The following SGCD variants were observed in gnomAD, a reference collection of about 807,000 sequenced individuals.
SGCD encodes delta-sarcoglycan.
Under a neutral mutation model 36.6 loss-of-function variants are expected in SGCD, and 18 were observed. The observed-to-expected ratio is 0.49, with a 90% CI of 0.34 to 0.73. SGCD has a LOEUF of 0.73. Among genes scored for constraint, SGCD ranks in the 30% least tolerant of loss-of-function variants. SGCD has a pLI of 0.01. For synonymous variants in SGCD, 133 were observed against 130.6 expected (o/e 1.02, Z -0.12); for missense variants, 387 against 346.7 (o/e 1.12, Z -0.92).
chr5:155,763,553 A>C, the SGCD span, among the ~76,000 whole-genome samples: 1 of 152,154 alleles, frequency 6.6e-6, no homozygotes, highest in East Asian at 1.9e-4. Context: ...CACGTTCAAG[A>C]GAAAAATATA....
At chr5:156,653,146 T>C (rs1561839378) in intron 7 of SGCD, among the ~76,000 whole-genome samples, 1 of 152,132 alleles carries the variant, frequency 6.6e-6, no homozygotes. Flanking sequence ...CCTCGGTTTT[T>C]TGGAATAATT....
the SGCD span, among the ~76,000 whole-genome samples, chr5:155,757,098 C>T: frequency 1.3e-5 from 2 of 152,176 alleles, no homozygotes; most frequent in Non-Finnish European, 2.9e-5. Context: ...GGGCTTCTGC[C>T]TTGGCATTGC....
intron 3 of SGCD, among the ~76,000 whole-genome samples, chr5:156,173,958 C>G (rs1437467730): frequency 2.0e-5 from 3 of 152,130 alleles, no homozygotes; most frequent in Non-Finnish European, 4.4e-5. Context: ...TCCCAGTTTT[C>G]ATACACATAC....
chr5:156,425,186 T>C (rs1773620795), intron 3 of SGCD, among the ~76,000 whole-genome samples: 1 of 152,070 alleles, frequency 6.6e-6, no homozygotes, highest in South Asian at 2.1e-4. Flanking sequence ...TCATTATCTG[T>C]CAGTGCACTG....
At chr5:155,796,806 C>CAAAAAAAAAAAAAAAAAAAAA in the SGCD span, among the ~76,000 whole-genome samples, 31 of 51,318 alleles carry the variant, frequency 6.0e-4, no homozygotes, top group Non-Finnish European at 7.7e-4. Flanking sequence ...AACTCCATCT[C>CAAAAAAAAAAAAAAAAAAAAA]AAAAAAAAAA....
At chr5:155,783,760 G>A in the SGCD span, among the ~76,000 whole-genome samples, 1 of 152,136 alleles carries the variant, frequency 6.6e-6, no homozygotes, top group Non-Finnish European at 1.5e-5. Flanking sequence ...CCAATTCCAG[G>A]AAAGTGGAAG....
chr5:156,201,446 G>A (rs932525419), intron 3 of SGCD, among the ~76,000 whole-genome samples: 2 of 152,136 alleles, frequency 1.3e-5, no homozygotes, highest in Non-Finnish European at 2.9e-5. Flanking sequence ...GTAGCAATGA[G>A]CAAAGCTGCC....
chr5:156,444,052 CTCTT>C (rs1753621295), intron 3 of SGCD, among the ~76,000 whole-genome samples: 1 of 146,306 alleles, frequency 6.8e-6, no homozygotes, highest in Non-Finnish European at 1.5e-5. Flanking sequence ...GCTTTGGAGA[CTCTT>C]TCTCTCCTTC....
chr5:156,106,673 C>T (rs1761656472), intron 1 of SGCD, among the ~76,000 whole-genome samples: 1 of 152,288 alleles, frequency 6.6e-6, no homozygotes, highest in Non-Finnish European at 1.5e-5. Context: ...TTGAGGCACA[C>T]TAATAAAAGT....
At chr5:156,742,342 A>G (rs1756724175) in intron 7 of SGCD, among the ~76,000 whole-genome samples, 1 of 152,056 alleles carries the variant, frequency 6.6e-6, no homozygotes, top group Admixed American at 6.5e-5. Context: ...ACATATTTCA[A>G]ACAAACTCAT....
At chr5:155,872,434 C>T (rs1046985730) in intron 1 of SGCD, among the ~76,000 whole-genome samples, 8 of 151,884 alleles carry the variant, frequency 5.3e-5, no homozygotes, top group South Asian at 2.1e-4. Context: ...AATCGTGCCC[C>T]GACATTAAAT....
At chr5:156,207,976 C>G (rs1281018357) in intron 3 of SGCD, among the ~76,000 whole-genome samples, 1 of 151,994 alleles carries the variant, frequency 6.6e-6, no homozygotes, top group Non-Finnish European at 1.5e-5. Flanking sequence ...TATGTAAAAC[C>G]ATGTCTTTAG....
chr5:156,329,606 G>T (rs1380246560), intron 2 of SGCD, 27 bp downstream of exon 2: 1 of 1,608,812 alleles, frequency 6.2e-7, no homozygotes, highest in Non-Finnish European at 8.5e-7. Flanking sequence ...AGCGAAGCTT[G>T]TTCAAGGCCC....
chr5:156,264,388 G>A (rs1765950520), intron 3 of SGCD, among the ~76,000 whole-genome samples: 1 of 152,090 alleles, frequency 6.6e-6, no homozygotes, highest in Admixed American at 6.6e-5. Flanking sequence ...GTTAGCATCA[G>A]CAGTTTTTCT....
intron 3 of SGCD, among the ~76,000 whole-genome samples, chr5:156,302,917 C>T (rs977296736): frequency 6.6e-6 from 1 of 152,152 alleles, no homozygotes; most frequent in African/African-American, 2.4e-5. Flanking sequence ...TGGGTCAGAC[C>T]CAAAGTCAGC....
intron 3 of SGCD, among the ~76,000 whole-genome samples, chr5:156,311,407 T>G (rs1314659099): frequency 1.3e-5 from 2 of 152,166 alleles, no homozygotes; most frequent in Admixed American, 1.3e-4. Flanking sequence ...TATCCTTAAT[T>G]TTTTCTATAT....
intron 2 of SGCD, among the ~76,000 whole-genome samples, chr5:156,336,095 C>G (rs1041595794): frequency 6.6e-5 from 10 of 152,142 alleles, no homozygotes; most frequent in Non-Finnish European, 1.5e-4. Flanking sequence ...GCTTCTTTCC[C>G]CTTCTGCCTG....
chr5:156,611,917 A>G (rs557904671), intron 6 of SGCD, among the ~76,000 whole-genome samples: 1 of 152,272 alleles, frequency 6.6e-6, no homozygotes, highest in Non-Finnish European at 1.5e-5. Flanking sequence ...TTCAACTCCA[A>G]GATTTCTGGG....
chr5:155,901,248 G>C (rs759114495), intron 1 of SGCD, among the ~76,000 whole-genome samples: 29 of 151,502 alleles, frequency 1.9e-4, no homozygotes, highest in Non-Finnish European at 3.7e-4. Context: ...GGAGGCGGAG[G>C]TTGCAGTGAG....
Sources: gnomAD v4.1 joint callset for allele counts (sites outside exome capture counted in the v4.1 genomes callset) on GRCh38, gnomAD v4.1.1 for gene constraint, MANE v1.5 for transcripts, NCBI Gene and HGNC (gene_info 2026-07-23, HGNC 2026-07-21) for gene names.